The following SPATA21 variants were observed in gnomAD, a reference collection of about 807,000 sequenced individuals.
SPATA21 encodes the protein spermatogenesis-associated protein 21.
SPATA21 carries 47 observed loss-of-function variants against 54.8 expected under a neutral mutation model. That is an observed-to-expected ratio of 0.86 (90% CI 0.68 to 1.09). The LOEUF (loss-of-function observed/expected upper bound fraction) is 1.09. SPATA21 is among the 50% of genes least tolerant of loss of function. The pLI is 0.00. For missense variants in SPATA21, 599 were observed against 596.4 expected (o/e 1.00, Z -0.05); for synonymous variants, 245 against 235.3 (o/e 1.04, Z -0.38).
At chr1:16,403,153 C>A (rs185195429) in intron 10 of SPATA21, among the ~76,000 whole-genome samples, 1 of 152,306 alleles carries the variant, frequency 6.6e-6, no homozygotes, top group African/African-American at 2.4e-5. Flanking sequence ...CACCCACCTG[C>A]CCTGGAGACA....
chr1:16,422,134 A>G (rs1235164448), intron 3 of SPATA21, 163 bp from the exon 4 acceptor site: 1 of 1,491,752 alleles, frequency 6.7e-7, no homozygotes, highest in Non-Finnish European at 8.9e-7. Flanking sequence ...AAGCGGCAGC[A>G]AGGCTCTGCT....
chr1:16,412,864 A>C (rs2085892440), intron 5 of SPATA21, among the ~76,000 whole-genome samples: 2 of 151,968 alleles, frequency 1.3e-5, no homozygotes, highest in Non-Finnish European at 2.9e-5. Flanking sequence ...ATCTTGGCTC[A>C]CTGCAACCTC....
In SPATA21 at chr1:16,421,455, C is replaced by T; in HGVS notation, c.144+54G>A. ...TCTGCCCTCTTCCTCCTCCTGATCC[C>T]CCCTGCCTTTCTCCTACACAGCTCG... On this transcript the variant is annotated intron_variant, in intron 5 of 12. Coordinates refer to ENST00000335496, the MANE Select transcript of SPATA21 (RefSeq NM_198546.1). This position sits in a 1 kb window ranked among gnomAD's most constrained non-coding sequence, Gnocchi z 5.2. The T allele has an allele frequency of 6.5e-7, 1 of 1,538,548 alleles. No homozygotes were observed. The highest frequency in any genetic ancestry group is 8.8e-7 in the Non-Finnish European group (1 of 1,133,962).
intron 3 of SPATA21, chr1:16,427,882 C>T (rs1243845012): frequency 6.5e-7 from 1 of 1,549,098 alleles, no homozygotes; most frequent in Non-Finnish European, 8.7e-7. Context: ...TGCTGGAGGC[C>T]CCTGCTCCTG....
intron 5 of SPATA21, chr1:16,410,923 G>C (rs532486249): frequency 4.0e-6 from 1 of 250,562 alleles, no homozygotes; most frequent in Middle Eastern, 4.4e-4. Context: ...CTCCTGACCA[G>C]AAGGTAAGCA....
rs774010835 is a variant in SPATA21 at position 16,409,955 on chromosome 1, A to T, written c.233T>A (p.Leu78His). Residue 78 changes from leucine to histidine, a missense_variant, in exon 6 of 13, where the codon CTC (leucine) becomes CAC (histidine). Physicochemically the swap from Leu to His is moderately conservative, Grantham distance 99 (BLOSUM62 -3). Coordinates refer to ENST00000335496, the MANE Select transcript of SPATA21 (RefSeq NM_198546.1). This position sits in a 1 kb window ranked among gnomAD's most constrained non-coding sequence, Gnocchi z 4.1. ...CATGAAGCCCTGCCGGAAGTTCCCGAGGCTCTGTGTCCCTGCAGCCACCGC... is the reference window on the plus strand; with the variant it reads ...CATGAAGCCCTGCCGGAAGTTCCCGTGGCTCTGTGTCCCTGCAGCCACCGC... ...KPAVAAGTQSLGNFRQGFMKC... is the reference protein window; with the variant it reads ...KPAVAAGTQSHGNFRQGFMKC... 24 of 1,613,330 alleles carry T rather than the reference A, an allele frequency of 1.5e-5. No homozygotes were observed. Among genetic ancestry groups the T allele is most frequent in the Middle Eastern group, 1.6e-4 (1 of 6,070 alleles).
chr1:16,407,545 C>T (rs566683366), intron 7 of SPATA21, among the ~76,000 whole-genome samples: 27 of 151,652 alleles, frequency 1.8e-4, no homozygotes, highest in Non-Finnish European at 1.5e-5. Flanking sequence ...CTGCAACCTC[C>T]ACTTCCCAGG....
At position 16,403,965 on chromosome 1, in the gene SPATA21, C is replaced by T. The variant is rs1375418531; in HGVS notation, c.883+3G>A. The T allele has an allele frequency of 1.3e-6, 2 of 1,594,594 alleles. No homozygotes were observed. Among genetic ancestry groups the T allele is most frequent in the Non-Finnish European group, 1.7e-6 (2 of 1,170,446 alleles). On this transcript the variant is annotated splice_donor_region_variant and intron_variant, in intron 9 of 12. Coordinates refer to ENST00000335496, the MANE Select transcript of SPATA21 (RefSeq NM_198546.1). ...TGACTACGCTGGGCTCATCCCTGCT[C>T]ACCCACAGAGCAGAAGAAGCGCCTG...
intron 10 of SPATA21, among the ~76,000 whole-genome samples, chr1:16,401,309 C>T (rs1025882797): frequency 5.3e-5 from 8 of 152,080 alleles, no homozygotes; most frequent in Non-Finnish European, 1.0e-4. Context: ...AGGGGCGTGG[C>T]GGGGAGACAG....
At chr1:16,417,916 C>A (rs1311770523) in intron 5 of SPATA21, among the ~76,000 whole-genome samples, 1 of 152,186 alleles carries the variant, frequency 6.6e-6, no homozygotes, top group Non-Finnish European at 1.5e-5. Flanking sequence ...GTATTCCATT[C>A]CCTCTGTATG....
rs2085787538 is a variant in SPATA21 at position 16,409,999 on chromosome 1, C to T, written c.189G>A (p.Gln63=). The change falls in exon 6 of 13, where the codon CAG becomes CAA. Residue 63 remains glutamine (Q), a synonymous_variant. Coordinates refer to ENST00000335496, the MANE Select transcript of SPATA21 (RefSeq NM_198546.1). The surrounding 1 kb of genome is among the most constrained non-coding windows in gnomAD (Gnocchi z 4.1). ...IGERREPDRA[Q]QQPQKPAVAA... is the part of the protein sequence containing the mutation. The stretch of plus-strand genomic sequence containing the variant: ...CCACCGCGGGCTTCTGAGGCTGCTG[C>T]TGCGCACGGTCTGGCTCCCGCCTCT... The T allele has an allele frequency of 1.9e-6, 3 of 1,592,242 alleles. No individual in the cohort carries two copies. The East Asian group carries it at 6.7e-5, about 35-fold the overall frequency.
At position 16,425,431 on chromosome 1, in the gene SPATA21, G is replaced by T. The variant is rs114498015; in HGVS notation, c.35-3460C>A. The T allele has an allele frequency of 6.1e-4, 828 of 1,352,182 alleles. 4 individuals are homozygous for T. The African/African-American group carries it at 0.011, about 18-fold the overall frequency. The allele number at this position is 1,352,182 out of a possible 1,614,324, so 83.8% of individuals were successfully genotyped here. A position where few individuals can be genotyped will look rare whatever the true frequency, so the allele number is the denominator to read the frequency against. On this transcript the variant is annotated intron_variant, in intron 3 of 12. Transcript: ENST00000335496. ...CAAGTAGCTGGGACTACAGATACAT[G>T]CACCAGAATGGGGGGCATGATAGGA...
intron 5 of SPATA21, among the ~76,000 whole-genome samples, chr1:16,412,310 C>T (rs2085874833): frequency 6.6e-6 from 1 of 152,156 alleles, no homozygotes; most frequent in African/African-American, 2.4e-5. Context: ...TAGAACAGGA[C>T]CAAAGCAGAG....
intron 3 of SPATA21, among the ~76,000 whole-genome samples, chr1:16,423,756 C>G (rs1190266974): frequency 6.6e-6 from 1 of 151,768 alleles, no homozygotes; most frequent in Admixed American, 6.6e-5. Context: ...GTTGGCCAAG[C>G]TGGTCTTGAA....
rs116326733 is a variant in SPATA21 at position 16,428,995 on chromosome 1, A to C, written c.34+2343T>G. Among the ~76,000 whole-genome samples, 1 of 152,092 alleles carries C rather than the reference A, an allele frequency of 6.6e-6. No homozygotes were observed. Among genetic ancestry groups the C allele is most frequent in the Non-Finnish European group, 1.5e-5 (1 of 68,016 alleles). The stretch of plus-strand genomic sequence containing the variant: ...GGGACCCCATGACGGTGCTTGTTGA[A>C]AAAATAAATGGGTGGATGAAGGAAG... On this transcript the variant is annotated intron_variant, in intron 3 of 12. Coordinates refer to ENST00000335496, the MANE Select transcript of SPATA21 (RefSeq NM_198546.1). The surrounding 1 kb of genome is among the most constrained non-coding windows in gnomAD (Gnocchi z 4.3).
Position 16,437,270 on chromosome 1 carries a change from T to C in SPATA21, c.-329A>G, listed in dbSNP as rs1426304326. 2 of 152,228 alleles carry C rather than the reference T, an allele frequency of 1.3e-5. No individual in the cohort carries two copies. The highest frequency in any genetic ancestry group is 2.9e-5 in the Non-Finnish European group (2 of 68,072). The allele number at this position is 152,228 out of a possible 1,614,324, so 9.4% of individuals were successfully genotyped here. ...GTATACAGGGCAGTTAAACTGGGAA[T>C]AGATGGCAGGTCCAATTATTCTCAG... On this transcript the variant is annotated 5_prime_UTR_variant, in exon 1 of 13. Transcript: ENST00000335496.
intron 11 of SPATA21, among the ~76,000 whole-genome samples, chr1:16,399,906 A>AGG (rs2085390276): frequency 6.6e-6 from 1 of 152,218 alleles, no homozygotes; most frequent in South Asian, 2.1e-4. Context: ...ACCTGGGGGA[A>AGG]GGGAGGCAGG....
intron 3 of SPATA21, among the ~76,000 whole-genome samples, chr1:16,422,934 G>A (rs1007550452): frequency 6.6e-6 from 1 of 152,178 alleles, no homozygotes; most frequent in African/African-American, 2.4e-5. Context: ...AGGCTGAGGG[G>A]CAGGTGGATC....
chr1:16,426,669 C>T (rs1385965158), intron 3 of SPATA21, among the ~76,000 whole-genome samples: 1 of 144,504 alleles, frequency 6.9e-6, no homozygotes, highest in Non-Finnish European at 1.5e-5. Flanking sequence ...CAACCTCTGC[C>T]TCCTGGGTTC....
Sources: gnomAD v4.1 joint callset for allele counts (sites outside exome capture counted in the v4.1 genomes callset) on GRCh38, gnomAD v4.1.1 for gene constraint, Gnocchi (gnomAD v3.1) non-coding constraint, MANE v1.5 for transcripts, NCBI Gene and HGNC (gene_info 2026-07-23, HGNC 2026-07-21) for gene names.